Variants in MACROD2 observed in about 807,000 individuals in gnomAD.
The protein encoded by MACROD2 is mono-ADP ribosylhydrolase 2, also known as ADP-ribose glycohydrolase MACROD2.
A neutral mutation model predicts 70.4 loss-of-function variants in MACROD2; 36 were observed. That is an observed-to-expected ratio of 0.51 (90% CI 0.39 to 0.68). The LOEUF (loss-of-function observed/expected upper bound fraction) is 0.68, where lower values mean the gene tolerates loss of function less well. MACROD2 is among the 30% of genes least tolerant of loss of function. The pLI is 0.00. For missense variants in MACROD2, 496 were observed against 538.4 expected (o/e 0.92, Z 0.78); for synonymous variants, 172 against 178.8 (o/e 0.96, Z 0.30).
chr20:14,495,445 T>G (rs564573660), intron 4 of MACROD2, among the ~76,000 whole-genome samples: 1 of 152,206 alleles, frequency 6.6e-6, no homozygotes, highest in Admixed American at 6.5e-5. Context: ...AATCCCACAT[T>G]GTCTTTGAAT....
intron 5 of MACROD2, among the ~76,000 whole-genome samples, chr20:15,000,717 A>C (rs2074988678): frequency 6.8e-6 from 1 of 147,212 alleles, no homozygotes; most frequent in Non-Finnish European, 1.5e-5. Flanking sequence ...CATACAAGGT[A>C]GGATTGGTCC....
chr20:15,364,744 A>G lies in MACROD2; in HGVS notation c.541-66661A>G, dbSNP rs140907494. On this transcript the variant is annotated intron_variant, in intron 6 of 17. Transcript: ENST00000684519. Reference sequence around the variant, plus strand: ...ATAATAGATAGCTTAGAGCCAGCACATAGTAGGCCCTTAATCACTCTGTGC... The same window carrying G: ...ATAATAGATAGCTTAGAGCCAGCACGTAGTAGGCCCTTAATCACTCTGTGC... Among the ~76,000 whole-genome samples the G allele has an allele frequency of 9.1e-4, 138 of 152,360 alleles. 2 individuals are homozygous for G. The East Asian group carries it at 0.014, about 16-fold the overall frequency.
chr20:15,485,775 G>A (rs1031327981), intron 7 of MACROD2, among the ~76,000 whole-genome samples: 1 of 152,138 alleles, frequency 6.6e-6, no homozygotes, highest in Admixed American at 6.6e-5. Flanking sequence ...GAGGGAAATG[G>A]TACATGCATC....
intron 8 of MACROD2, among the ~76,000 whole-genome samples, chr20:15,674,439 G>A (rs1464402421): frequency 6.6e-6 from 1 of 152,024 alleles, no homozygotes; most frequent in African/African-American, 2.4e-5. Context: ...GAAAGAATCT[G>A]TGAAATAGGC....
At chr20:16,033,312 A>G (rs2067179944) in intron 15 of MACROD2, among the ~76,000 whole-genome samples, 1 of 152,158 alleles carries the variant, frequency 6.6e-6, no homozygotes, top group African/African-American at 2.4e-5. Flanking sequence ...GAAAAATACA[A>G]TGCCGAAAAG....
intron 4 of MACROD2, among the ~76,000 whole-genome samples, chr20:14,614,141 T>C (rs1345921373): frequency 6.6e-6 from 1 of 152,142 alleles, no homozygotes; most frequent in African/African-American, 2.4e-5. Flanking sequence ...GTTTTGGGGT[T>C]TGATGTAACT....
intron 3 of MACROD2, among the ~76,000 whole-genome samples, chr20:14,320,943 C>T (rs1377197024): frequency 6.6e-6 from 1 of 152,166 alleles, no homozygotes; most frequent in Non-Finnish European, 1.5e-5. Flanking sequence ...ATGAGGTCTT[C>T]CTTGAGCTAT....
At chr20:14,302,657 TTG>T in intron 3 of MACROD2, among the ~76,000 whole-genome samples, 1 of 152,018 alleles carries the variant, frequency 6.6e-6, no homozygotes. Context: ...AGTGTTTTTT[TTG>T]TTGTTGTTTT....
intron 3 of MACROD2, chr20:14,337,361 A>G (rs961320028): frequency 6.8e-5 from 23 of 335,850 alleles, no homozygotes; most frequent in African/African-American, 4.9e-4. Flanking sequence ...AACCAAGCAA[A>G]CTTTCTGGGA....
chr20:15,657,551 A>G (rs1026115444), intron 8 of MACROD2, among the ~76,000 whole-genome samples: 3 of 152,226 alleles, frequency 2.0e-5, no homozygotes, highest in African/African-American at 7.2e-5. Context: ...TCCTTTATGA[A>G]ATAAATATGC....
intron 5 of MACROD2, among the ~76,000 whole-genome samples, chr20:14,996,261 C>T (rs1166916964): frequency 6.6e-6 from 1 of 152,154 alleles, no homozygotes; most frequent in African/African-American, 2.4e-5. Flanking sequence ...TGGCTTTTCA[C>T]ATCAAGGGAA....
chr20:16,023,672 T>C (rs1486426739), intron 15 of MACROD2, among the ~76,000 whole-genome samples: 1 of 151,894 alleles, frequency 6.6e-6, no homozygotes, highest in African/African-American at 2.4e-5. Flanking sequence ...TTGTTAGCAG[T>C]TGGGACTCAA....
chr20:14,995,901 T>C (rs917466420), intron 5 of MACROD2, among the ~76,000 whole-genome samples: 1 of 152,146 alleles, frequency 6.6e-6, no homozygotes, highest in Non-Finnish European at 1.5e-5. Flanking sequence ...ATCTAAACTT[T>C]CAGTTGAAGA....
chr20:14,620,181 G>A (rs1983748641), intron 4 of MACROD2, among the ~76,000 whole-genome samples: 1 of 151,970 alleles, frequency 6.6e-6, no homozygotes, highest in Admixed American at 6.6e-5. Context: ...GGCCAGTGAA[G>A]TGTGCATAAG....
At chr20:14,668,427 A>G (rs1314790821) in intron 4 of MACROD2, among the ~76,000 whole-genome samples, 2 of 152,056 alleles carry the variant, frequency 1.3e-5, no homozygotes, top group African/African-American at 4.8e-5. Context: ...CTTGCAGGAG[A>G]AGGGCATCTT....
intron 8 of MACROD2, among the ~76,000 whole-genome samples, chr20:15,578,117 G>A (rs2048473596): frequency 6.6e-6 from 1 of 152,154 alleles, no homozygotes. Context: ...CAGGAAAGTG[G>A]CCACTGTTCA....
chr20:14,500,356 G>A (rs764053006), intron 4 of MACROD2, among the ~76,000 whole-genome samples: 24 of 152,144 alleles, frequency 1.6e-4, no homozygotes, highest in Non-Finnish European at 2.8e-4. Context: ...GCTCCTCCCC[G>A]CTTTACTTTC....
At chr20:15,475,093 A>T (rs1253330821) in intron 7 of MACROD2, among the ~76,000 whole-genome samples, 3 of 152,192 alleles carry the variant, frequency 2.0e-5, no homozygotes, top group Non-Finnish European at 4.4e-5. Flanking sequence ...TTAACATCAC[A>T]TTTACATTTT....
intron 4 of MACROD2, among the ~76,000 whole-genome samples, chr20:14,653,194 G>A (rs1307895338): frequency 1.3e-5 from 2 of 150,940 alleles, no homozygotes; most frequent in East Asian, 3.9e-4. Context: ...GGGACTATAG[G>A]CATTCACCAA....
Sources: gnomAD v4.1 joint callset for allele counts (sites outside exome capture counted in the v4.1 genomes callset) on GRCh38, gnomAD v4.1.1 for gene constraint, MANE v1.5 for transcripts, NCBI Gene and HGNC (gene_info 2026-07-23, HGNC 2026-07-21) for gene names.